The following RALGAPA2 variants were observed in gnomAD, a reference collection of about 807,000 sequenced individuals.
RALGAPA2 encodes ral GTPase-activating protein subunit alpha-2.
RALGAPA2 carries 139 observed loss-of-function variants against 230.4 expected under a neutral mutation model. The observed-to-expected ratio is 0.60, with a 90% confidence interval of 0.53 to 0.69. The LOEUF is 0.69. Among genes scored for constraint, RALGAPA2 ranks in the 30% least tolerant of loss-of-function variants. The probability of loss-of-function intolerance (pLI) is 0.00; values close to 1 mark genes in which losing one functional copy is unlikely to be tolerated. For missense variants in RALGAPA2, 2,163 were observed against 2,276.0 expected (o/e 0.95, Z 1.01); for synonymous variants, 847 against 837.8 (o/e 1.01, Z -0.19).
At chr20:20,610,537 G>A (rs1257075943) in intron 14 of RALGAPA2, among the ~76,000 whole-genome samples, 1 of 152,078 alleles carries the variant, frequency 6.6e-6, no homozygotes, top group Non-Finnish European at 1.5e-5. Context: ...GTCTCCCCAA[G>A]ACCATCTTGT....
intron 18 of RALGAPA2, 115 bp downstream of exon 18, chr20:20,589,153 C>T: frequency 7.3e-7 from 1 of 1,371,304 alleles, no homozygotes; most frequent in African/African-American, 1.5e-5. Context: ...GGCCTATAAA[C>T]TGTCTAAATG....
At chr20:20,636,406 C>T (rs1384897154) in intron 8 of RALGAPA2, among the ~76,000 whole-genome samples, 1 of 152,078 alleles carries the variant, frequency 6.6e-6, no homozygotes, top group Non-Finnish European at 1.5e-5. Context: ...TGAATTTAGA[C>T]TACATATAAA....
chr20:20,540,580 A>G (rs1191994220), intron 24 of RALGAPA2, among the ~76,000 whole-genome samples: 2 of 152,224 alleles, frequency 1.3e-5, no homozygotes, highest in African/African-American at 2.4e-5. Flanking sequence ...TTTGAAGTTT[A>G]TATTTCAATA....
intron 37 of RALGAPA2, among the ~76,000 whole-genome samples, chr20:20,447,181 G>A (rs1479179165): frequency 6.6e-6 from 1 of 152,208 alleles, no homozygotes; most frequent in Non-Finnish European, 1.5e-5. Context: ...CCAGAAGGAG[G>A]TCAGCTGTCT....
chr20:20,670,182 C>G (rs1238352905), intron 3 of RALGAPA2, among the ~76,000 whole-genome samples: 1 of 152,216 alleles, frequency 6.6e-6, no homozygotes, highest in Non-Finnish European at 1.5e-5. Context: ...CTACGTGTGT[C>G]TGACACAGTG....
chr20:20,411,997 G>A (rs552830878), intron 38 of RALGAPA2, 30 bp downstream of exon 38: 61 of 1,613,380 alleles, frequency 3.8e-5, no homozygotes, highest in Non-Finnish European at 4.7e-5. Flanking sequence ...CGTCTTAAGC[G>A]CGTGAGAGAA....
chr20:20,547,546 T>C (rs1368200136), intron 23 of RALGAPA2, among the ~76,000 whole-genome samples: 1 of 152,220 alleles, frequency 6.6e-6, no homozygotes, highest in Non-Finnish European at 1.5e-5. Flanking sequence ...GAAGCAGATA[T>C]CTAATTCTTG....
In RALGAPA2 at chr20:20,553,073, C is replaced by T. The variant is rs1206311029; in HGVS notation, c.3157-6241G>A. On this transcript the variant is annotated intron_variant, in intron 23 of 39. Coordinates refer to ENST00000202677, the MANE Select transcript of RALGAPA2 (RefSeq NM_020343.4). ...CTGAAAATTACTTTCATGACTGGGG[C>T]CAAATATGTGGTATGTGCTTTACAT... Among the ~76,000 whole-genome samples, 3 of 152,098 alleles carry T rather than the reference C, an allele frequency of 2.0e-5. No homozygotes were observed. The East Asian group carries it at 5.8e-4, about 29-fold the overall frequency.
At chr20:20,711,579 C>T (rs542312730) in intron 1 of RALGAPA2, among the ~76,000 whole-genome samples, 2 of 152,258 alleles carry the variant, frequency 1.3e-5, no homozygotes, top group African/African-American at 4.8e-5. Context: ...CAGGGGCGAG[C>T]TTCATCACAG....
In RALGAPA2 at chr20:20,572,867, G is replaced by A. The variant is rs930731249; in HGVS notation, c.2901+8C>T. 8.6e-6 allele frequency: 13 copies of A among 1,511,490 alleles called. No individual in the cohort carries two copies. Among genetic ancestry groups the A allele is most frequent in the Non-Finnish European group, 1.2e-5 (13 of 1,119,704 alleles). The allele number at this position is 1,511,490 out of a possible 1,614,324, so 93.6% of individuals were successfully genotyped here. ...GATTAGAATAAAAAGTAACATAGCA[G>A]AACTTACCTTTGCTAGTTTGTACCA... On this transcript the variant is annotated splice_region_variant and intron_variant, in intron 21 of 39. Transcript: ENST00000202677.
In RALGAPA2 at chr20:20,477,377, T is replaced by C. The variant is rs114463242; in HGVS notation, c.5368-4421A>G. 5.4e-3 allele frequency among the ~76,000 whole-genome samples: 819 copies of C among 152,280 alleles called. 10 individuals carry two copies. The highest frequency in any genetic ancestry group is 0.019 in the African/African-American group (782 of 41,576). On this transcript the variant is annotated intron_variant, in intron 36 of 39. Coordinates refer to ENST00000202677, the MANE Select transcript of RALGAPA2 (RefSeq NM_020343.4). ...CAGAATACTTTTTAAAAAGTGACCA[T>C]ATCCTCAGCCAAGGATCCACAAATA...
At chr20:20,406,841 C>T (rs949066678) in intron 38 of RALGAPA2, among the ~76,000 whole-genome samples, 2 of 152,208 alleles carry the variant, frequency 1.3e-5, no homozygotes, top group Admixed American at 6.5e-5. Flanking sequence ...GAGCCTGGGA[C>T]GGGAAGGATG....
At chr20:20,589,204 C>T in intron 18 of RALGAPA2, 64 bp downstream of exon 18, 1 of 1,449,478 alleles carries the variant, frequency 6.9e-7, no homozygotes. Flanking sequence ...AATAAATTTA[C>T]TTACTGAGCA....
At chr20:20,582,161 A>AGT (rs35240382) in intron 20 of RALGAPA2, among the ~76,000 whole-genome samples, 46,054 of 145,968 alleles carry the variant, frequency 0.32, 7,338 homozygotes, top group Middle Eastern at 0.44. Context: ...AGTGTCACAC[A>AGT]GTGTGTGTGT....
intron 36 of RALGAPA2, among the ~76,000 whole-genome samples, chr20:20,489,119 T>G: frequency 6.6e-6 from 1 of 152,188 alleles, no homozygotes; most frequent in Admixed American, 6.5e-5. Context: ...GAAGAAAATG[T>G]TCCACAATTA....
intron 36 of RALGAPA2, among the ~76,000 whole-genome samples, chr20:20,477,754 T>C (rs868026438): frequency 1.9e-4 from 29 of 152,060 alleles, no homozygotes; most frequent in Middle Eastern, 3.2e-3. Context: ...CCCAGCTAAT[T>C]TTTTTGTACT....
chr20:20,663,301 C>T (rs1342071072), intron 3 of RALGAPA2, among the ~76,000 whole-genome samples: 2 of 152,266 alleles, frequency 1.3e-5, no homozygotes, highest in African/African-American at 4.8e-5. Context: ...ACAAAATAAA[C>T]AGTAGTCCTC....
chr20:20,475,784 A>AG (rs1449205496), intron 36 of RALGAPA2, among the ~76,000 whole-genome samples: 1 of 152,188 alleles, frequency 6.6e-6, no homozygotes, highest in South Asian at 2.1e-4. Flanking sequence ...AGGGGAGAAG[A>AG]GGGGAACATA....
At chr20:20,436,409 C>A (rs1247641597) in intron 37 of RALGAPA2, among the ~76,000 whole-genome samples, 1 of 152,188 alleles carries the variant, frequency 6.6e-6, no homozygotes, top group Non-Finnish European at 1.5e-5. Flanking sequence ...TAGGGTAGAT[C>A]TTTCTTTGCT....
Sources: allele counts gnomAD v4.1 joint callset (sites outside exome capture counted in the v4.1 genomes callset), GRCh38; gene constraint gnomAD v4.1.1; transcripts MANE v1.5; gene names NCBI Gene and HGNC (gene_info 2026-07-23, HGNC 2026-07-21).